The following MBD5 variants were observed in gnomAD, a reference collection of about 807,000 sequenced individuals.
MBD5 encodes the protein methyl-CpG binding domain protein 5, also known as methyl-CpG-binding domain protein 5.
MBD5 carries 13 observed loss-of-function variants against 117.3 expected under a neutral mutation model. The observed-to-expected ratio is 0.11, with a 90% CI of 0.07 to 0.18. The LOEUF is 0.18. Ranked by LOEUF, MBD5 falls within the 10% of genes least tolerant of loss-of-function variation. The pLI is 1.00. For missense variants in MBD5, 1,879 were observed against 2,093.8 expected, an observed-to-expected ratio of 0.90 and a Z score of 2.00; for synonymous variants, 727 against 766.4, an observed-to-expected ratio of 0.95 and a Z score of 0.85.
At position 148,469,082 on chromosome 2, in the gene MBD5, G is replaced by T; in HGVS notation, c.1139G>T (p.Ser380Ile). The T allele has an allele frequency of 1.2e-6, 2 of 1,613,942 alleles. No individual in the cohort carries two copies. The highest frequency in any genetic ancestry group is 1.7e-6 in the Non-Finnish European group (2 of 1,179,970). ...AACCCTGTTATCATTAATCCAACCA[G>T]TTTCCATTCAAATGTCCACTCTCAG... The part of the protein sequence containing the change: ...NQNPVIINPT[S>I]FHSNVHSQVP... The change falls in exon 8 of 14, where the codon AGT becomes ATT. Residue 380 changes from serine to isoleucine, a missense_variant. By Grantham distance (142) the Ser-to-Ile change is moderately radical. This residue lies in a region of MBD5 where 1,666 missense variants were observed against 1,792.2 expected (regional missense o/e 0.93). Coordinates refer to ENST00000642680, the MANE Select transcript of MBD5 (RefSeq NM_001378120.1).
At chr2:148,064,397 G>T (rs1330231477) in intron 1 of MBD5, among the ~76,000 whole-genome samples, 1 of 151,188 alleles carries the variant, frequency 6.6e-6, no homozygotes, top group Non-Finnish European at 1.5e-5. Flanking sequence ...CCACAGGCGT[G>T]AGCCACCGCG....
intron 2 of MBD5, among the ~76,000 whole-genome samples, chr2:148,181,965 G>C (rs977173583): frequency 1.3e-5 from 2 of 151,748 alleles, no homozygotes; most frequent in African/African-American, 4.8e-5. Context: ...TTTTGAAATA[G>C]ATTATTATAA....
chr2:148,489,906 CA>C lies in MBD5; in HGVS notation c.4275del (p.Ser1426ProfsTer24). On this transcript the variant is annotated frameshift_variant, in exon 11 of 14. Coordinates refer to ENST00000642680, the MANE Select transcript of MBD5 (RefSeq NM_001378120.1). LOFTEE classifies it high-confidence loss of function. ...TATTTCAAGTCAGCAAGTTGCCACA[CA>C]TCCAAAAAACAGTGGGACGGGGAGC... Reference protein sequence around the residue: ...FEYFKSASCHTSKKQWDGEQS... With the variant: ...FEYFKSASCHXSKKQWDGEQS... The C allele has an allele frequency of 6.2e-7, 1 of 1,614,060 alleles. No individual in the cohort carries two copies. The highest frequency in any genetic ancestry group is 8.5e-7 in the Non-Finnish European group (1 of 1,180,020).
rs1381403337 is a variant in MBD5 at position 148,021,415 on chromosome 2, GA to G, written c.-1191del. On this transcript the variant is annotated 5_prime_UTR_variant, in exon 1 of 14. Transcript: ENST00000642680. ...CCTCTTTGGCCGTGAGAGGAGGAGA[GA>G]AAGAAACCAAAAGCCTCTTAGCAAC... 8 of 536,844 alleles carry G rather than the reference GA, an allele frequency of 1.5e-5. No individual in the cohort carries two copies. The highest frequency in any genetic ancestry group is 2.9e-5 in the Non-Finnish European group (8 of 276,940). 33.3% of individuals were successfully genotyped at this position (536,844 alleles called of 1,614,324 possible). A position where few individuals can be genotyped will look rare whatever the true frequency, so the allele number is the denominator to read the frequency against.
intron 8 of MBD5, chr2:148,472,069 G>T (rs1172861773): frequency 1.3e-5 from 2 of 151,972 alleles, no homozygotes; most frequent in Non-Finnish European, 2.9e-5. Context: ...GAGTTCATGT[G>T]CAAAGTGTAT....
chr2:148,304,762 A>AG, intron 3 of MBD5, among the ~76,000 whole-genome samples: 1 of 152,156 alleles, frequency 6.6e-6, no homozygotes, highest in Non-Finnish European at 1.5e-5. Flanking sequence ...CTGACTTGAC[A>AG]GGGTTATTTT....
chr2:148,181,354 G>C (rs945661416), intron 2 of MBD5, among the ~76,000 whole-genome samples: 5 of 152,116 alleles, frequency 3.3e-5, no homozygotes, highest in African/African-American at 1.2e-4. Context: ...AACTTTGCAA[G>C]GATTTCTTTA....
chr2:148,372,315 A>C (rs1574346476), intron 4 of MBD5, among the ~76,000 whole-genome samples: 1 of 152,280 alleles, frequency 6.6e-6, no homozygotes, highest in East Asian at 1.9e-4. Flanking sequence ...ATCTAAAATA[A>C]TAATAATGAA....
chr2:148,311,397 A>G (rs1332063809), intron 3 of MBD5, among the ~76,000 whole-genome samples: 1 of 152,188 alleles, frequency 6.6e-6, no homozygotes, highest in African/African-American at 2.4e-5. Flanking sequence ...TTTTACCATT[A>G]TGTAAAGCCC....
chr2:148,375,576 G>T (rs1180643240), intron 4 of MBD5, among the ~76,000 whole-genome samples: 2 of 152,072 alleles, frequency 1.3e-5, no homozygotes, highest in African/African-American at 4.8e-5. Flanking sequence ...TGGGATATGG[G>T]GTACTTGCCT....
intron 1 of MBD5, among the ~76,000 whole-genome samples, chr2:148,038,444 T>G (rs1418949717): frequency 1.3e-5 from 2 of 151,622 alleles, no homozygotes; most frequent in African/African-American, 4.8e-5. Context: ...TTGTATCTTT[T>G]TTCTTTTTTC....
At chr2:148,325,861 T>C (rs992518933) in intron 3 of MBD5, among the ~76,000 whole-genome samples, 22 of 152,214 alleles carry the variant, frequency 1.4e-4, no homozygotes, top group African/African-American at 5.1e-4. Context: ...TCTTAGTTAC[T>C]TCTTGCCTTC....
intron 2 of MBD5, among the ~76,000 whole-genome samples, chr2:148,206,046 C>T (rs537886134): frequency 2.6e-5 from 4 of 151,622 alleles, no homozygotes; most frequent in South Asian, 4.2e-4. Flanking sequence ...TTGATTGAGC[C>T]TGTGAAGTGG....
chr2:148,420,994 G>A (rs928572622), intron 4 of MBD5, among the ~76,000 whole-genome samples: 18 of 152,176 alleles, frequency 1.2e-4, no homozygotes, highest in African/African-American at 4.3e-4. Context: ...CTCCCAAAAT[G>A]CTGGGATTAC....
Position 148,302,958 on chromosome 2 carries a change from A to G in MBD5, c.-679-39256A>G, listed in dbSNP as rs184861656. Among the ~76,000 whole-genome samples the G allele has an allele frequency of 9.0e-4, 134 of 149,322 alleles. 1 individual carries two copies. Among genetic ancestry groups the G allele is most frequent in the African/African-American group, 3.0e-3 (124 of 41,096 alleles). On this transcript the variant is annotated intron_variant, in intron 3 of 13. Coordinates refer to ENST00000642680, the MANE Select transcript of MBD5 (RefSeq NM_001378120.1). Reference sequence around the variant, plus strand: ...ATATGTTTCATTATATCATATATACATTATATGTTATACATTATTATATAT... The same window carrying G: ...ATATGTTTCATTATATCATATATACGTTATATGTTATACATTATTATATAT...
chr2:148,120,518 T>G (rs1469794778), intron 1 of MBD5, among the ~76,000 whole-genome samples: 1 of 152,230 alleles, frequency 6.6e-6, no homozygotes, highest in African/African-American at 2.4e-5. Context: ...TTTTGGTTAT[T>G]CATAAGTATT....
chr2:148,317,100 G>A (rs1224720421), intron 3 of MBD5, among the ~76,000 whole-genome samples: 1 of 152,182 alleles, frequency 6.6e-6, no homozygotes, highest in African/African-American at 2.4e-5. Flanking sequence ...TGTAATCCCA[G>A]CACTTTGGGA....
chr2:148,394,505 G>A (rs1475711195), intron 4 of MBD5, among the ~76,000 whole-genome samples: 1 of 140,208 alleles, frequency 7.1e-6, no homozygotes, highest in Non-Finnish European at 1.5e-5. Flanking sequence ...TAATCTCTGT[G>A]GTGTCTACAG....
chr2:148,429,147 A>G (rs1480334265), intron 4 of MBD5, among the ~76,000 whole-genome samples: 1 of 151,224 alleles, frequency 6.6e-6, no homozygotes, highest in African/African-American at 2.4e-5. Flanking sequence ...ACAAATTTAC[A>G]AGAAAAAAAG....
Sources: gnomAD v4.1 joint callset for allele counts (sites outside exome capture counted in the v4.1 genomes callset) on GRCh38, gnomAD v4.1.1 for gene constraint, gnomAD v4.1.1 regional missense constraint, MANE v1.5 for transcripts, NCBI Gene and HGNC (gene_info 2026-07-23, HGNC 2026-07-21) for gene names.